SLC25A46: variants seen among roughly 807,000 people sequenced by gnomAD.
SLC25A46 encodes mitochondrial outer membrane protein SLC25A46.
In SLC25A46, 39 loss-of-function variants were observed where a neutral mutation model predicts 44.6. The observed-to-expected ratio is 0.87, with a 90% confidence interval of 0.68 to 1.14. The LOEUF is 1.14. Among genes scored for constraint, SLC25A46 ranks in the 50% most tolerant of loss-of-function variants. SLC25A46 has a pLI of 0.00. For missense variants in SLC25A46, 547 were observed against 522.7 expected, an observed-to-expected ratio of 1.05 and a Z score of -0.45; for synonymous variants, 202 against 185.8, an observed-to-expected ratio of 1.09 and a Z score of -0.71.
chr5:110,744,375 T>G (rs999596065), intron 3 of SLC25A46, among the ~76,000 whole-genome samples: 40 of 152,346 alleles, frequency 2.6e-4, no homozygotes, highest in South Asian at 2.1e-4. Flanking sequence ...AGTGAACTTT[T>G]TATACTTTGT....
At chr5:110,755,030 A>G (rs1484873965) in intron 5 of SLC25A46, 1 of 152,932 alleles carries the variant, frequency 6.5e-6, no homozygotes, top group Non-Finnish European at 1.5e-5. Context: ...TTCAGAAATT[A>G]GGTACTACAT....
Position 110,762,309 on chromosome 5 carries a change from G to A in SLC25A46, c.*527G>A, listed in dbSNP as rs186725394. ...GCAATCTGTAAGCAGGAGTATAAAT[G>A]TTTTAAATTGCATTGTCCCTATGTA... is the stretch of plus-strand genomic sequence containing the variant. On this transcript the variant is annotated 3_prime_UTR_variant, in exon 8 of 8. Coordinates refer to ENST00000355943, the MANE Select transcript of SLC25A46 (RefSeq NM_138773.4). The A allele has an allele frequency of 6.5e-6, 1 of 153,090 alleles. No homozygotes were observed. The highest frequency in any genetic ancestry group is 1.5e-5 in the Non-Finnish European group (1 of 68,756). The allele number at this position is 153,090 out of a possible 1,614,324, so 9.5% of individuals were successfully genotyped here.
Position 110,739,040 on chromosome 5 carries a change from G to C in SLC25A46, c.-80G>C. 6.7e-7 allele frequency: 1 copy of C among 1,483,620 alleles called. No homozygotes were observed. Among genetic ancestry groups the C allele is most frequent in the Non-Finnish European group, 8.9e-7 (1 of 1,126,844 alleles). The allele number at this position is 1,483,620 out of a possible 1,614,324, so 91.9% of individuals were successfully genotyped here. A position where few individuals can be genotyped will look rare whatever the true frequency, so the allele number is the denominator to read the frequency against. ...CCCCTGACGCGGCGGCGGCCGACGGGAAGCTGTGTGTGCTTAGGTCGTGGT... is the reference window on the plus strand; with the variant it reads ...CCCCTGACGCGGCGGCGGCCGACGGCAAGCTGTGTGTGCTTAGGTCGTGGT... On this transcript the variant is annotated 5_prime_UTR_variant, in exon 1 of 8. Coordinates refer to ENST00000355943, the MANE Select transcript of SLC25A46 (RefSeq NM_138773.4).
chr5:110,740,674 G>T (rs12188558), intron 1 of SLC25A46, among the ~76,000 whole-genome samples: 13,214 of 152,204 alleles, frequency 0.087, 599 homozygotes, highest in Admixed American at 0.13. Flanking sequence ...GGGTAAGGCC[G>T]GGCGTGGTGG....
chr5:110,755,616 G>A (rs1360521861), intron 6 of SLC25A46, 95 bp downstream of exon 6: 3 of 723,426 alleles, frequency 4.1e-6, no homozygotes, highest in Admixed American at 3.0e-5. Flanking sequence ...CTGTAGAGAA[G>A]GAAATTAGAG....
chr5:110,739,118 C>G lies in SLC25A46; in HGVS notation c.-2C>G. On this transcript the variant is annotated 5_prime_UTR_variant, in exon 1 of 8. Transcript: ENST00000355943. ...GGCTCGCGTCATCCTGCCCCCGCTG[C>G]GATGCATCCGCGGCGCCCGGACGGA... 1 of 1,546,422 alleles carries G rather than the reference C, an allele frequency of 6.5e-7. No individual in the cohort carries two copies. Among genetic ancestry groups the G allele is most frequent in the East Asian group, 2.4e-5 (1 of 40,850 alleles).
Position 110,743,782 on chromosome 5 carries a change from T to C in SLC25A46, c.379T>C (p.Cys127Arg), listed in dbSNP as rs1799747419. Residue 127 changes from cysteine to arginine, a missense_variant, in exon 3 of 8, where the codon TGT becomes CGT. Physicochemically the swap from Cys to Arg is radical, Grantham distance 180. Coordinates refer to ENST00000355943, the MANE Select transcript of SLC25A46 (RefSeq NM_138773.4). ...TCCTTGCATTGTTCTACGCCGCCAATGTCAGGTAAATGTAATTTCTGTGAT... is the reference window on the plus strand; with the variant it reads ...TCCTTGCATTGTTCTACGCCGCCAACGTCAGGTAAATGTAATTTCTGTGAT... ...AHPCIVLRRQ[C>R]QVNYHAQHYH... 6.2e-7 allele frequency: 1 copy of C among 1,605,264 alleles called. No homozygotes were observed. Among genetic ancestry groups the C allele is most frequent in the Non-Finnish European group, 8.5e-7 (1 of 1,174,380 alleles).
At position 110,739,066 on chromosome 5, in the gene SLC25A46, G is replaced by C. The variant is rs759814821; in HGVS notation, c.-54G>C. 1.2e-3 allele frequency: 1,878 copies of C among 1,527,646 alleles called. 3 individuals carry two copies. Among genetic ancestry groups the C allele is most frequent in the Non-Finnish European group, 1.5e-3 (1,770 of 1,142,754 alleles). The allele number at this position is 1,527,646 out of a possible 1,614,324, so 94.6% of individuals were successfully genotyped here. A position where few individuals can be genotyped will look rare whatever the true frequency, so the allele number is the denominator to read the frequency against. On this transcript the variant is annotated 5_prime_UTR_variant, in exon 1 of 8. Transcript: ENST00000355943. ...AAGCTGTGTGTGCTTAGGTCGTGGTGGCCCCGGTGGTGGTGGGCTCCGGGC... is the reference window on the plus strand; with the variant it reads ...AAGCTGTGTGTGCTTAGGTCGTGGTCGCCCCGGTGGTGGTGGGCTCCGGGC...
intron 5 of SLC25A46, 132 bp from the exon 6 acceptor site, chr5:110,755,333 C>G (rs1011779489): frequency 1.7e-6 from 1 of 589,676 alleles, no homozygotes; most frequent in Non-Finnish European, 3.0e-6. Flanking sequence ...AGAAAATGTT[C>G]ACCATTAGAA....
At chr5:110,738,286 C>A, upstream of SLC25A46, 2 of 1,264,956 alleles carry the variant, frequency 1.6e-6, no homozygotes, top group African/African-American at 1.5e-5. Flanking sequence ...CTCAGTTATT[C>A]AATTAGAGGT....
At chr5:110,750,694 C>A (rs75352963) in intron 5 of SLC25A46, among the ~76,000 whole-genome samples, 3 of 152,116 alleles carry the variant, frequency 2.0e-5, no homozygotes, top group African/African-American at 7.2e-5. Context: ...ACATTCAGTA[C>A]AGATGCAACT....
chr5:110,756,959 A>G, intron 7 of SLC25A46, 200 bp downstream of exon 7: 1 of 389,868 alleles, frequency 2.6e-6, no homozygotes, highest in Non-Finnish European at 4.5e-6. Flanking sequence ...TCTAGTTTTA[A>G]TTATTTTTGT....
At chr5:110,742,111 T>G in intron 2 of SLC25A46, 22 bp downstream of exon 2, 1 of 1,488,266 alleles carries the variant, frequency 6.7e-7, no homozygotes, top group Non-Finnish European at 9.1e-7. Flanking sequence ...TCTAAAGACG[T>G]TTACAGCTTT....
chr5:110,743,917 A>G, intron 3 of SLC25A46, 130 bp downstream of exon 3: 1 of 593,112 alleles, frequency 1.7e-6, no homozygotes, highest in Non-Finnish European at 2.8e-6. Flanking sequence ...TTTGGTCTCA[A>G]AACCTCTTTA....
Position 110,756,765 on chromosome 5 carries a change from C to CTT in SLC25A46, c.678+13_678+14dup. The CTT allele has an allele frequency of 1.3e-6, 2 of 1,494,618 alleles. No homozygotes were observed. The highest frequency in any genetic ancestry group is 1.5e-5 in the South Asian group (1 of 68,620). 92.6% of individuals were successfully genotyped at this position (1,494,618 alleles called of 1,614,324 possible). A position where few individuals can be genotyped will look rare whatever the true frequency, so the allele number is the denominator to read the frequency against. Reference sequence around the variant, plus strand: ...GTCTGATTGAAACAGTGCAGGTGAGCTTTTTTTTACTGTCATTTTTTTTTT... The same window carrying CTT: ...GTCTGATTGAAACAGTGCAGGTGAGCTTTTTTTTTTACTGTCATTTTTTTTTT... On this transcript the variant is annotated splice_region_variant and intron_variant, in intron 7 of 7. Coordinates refer to ENST00000355943, the MANE Select transcript of SLC25A46 (RefSeq NM_138773.4).
At chr5:110,760,772 C>T (rs1010776807) in intron 7 of SLC25A46, among the ~76,000 whole-genome samples, 2 of 152,094 alleles carry the variant, frequency 1.3e-5, no homozygotes, top group Non-Finnish European at 2.9e-5. Context: ...GTGCTCATTT[C>T]CATTTTTGTA....
Position 110,762,523 on chromosome 5 carries a change from A to G in SLC25A46, c.*741A>G, listed in dbSNP as rs140136860. On this transcript the variant is annotated 3_prime_UTR_variant, in exon 8 of 8. Transcript: ENST00000355943. ...GGTACCCAAAAGATACAAGTCAGAG[A>G]CAACATCCTTGTCCATATCCAAACC... is the stretch of plus-strand genomic sequence containing the variant. The G allele has an allele frequency of 1.3e-5, 2 of 151,898 alleles. No homozygotes were observed. Among genetic ancestry groups the G allele is most frequent in the African/African-American group, 4.8e-5 (2 of 41,494 alleles). 9.4% of individuals were successfully genotyped at this position (151,898 alleles called of 1,614,324 possible). A position where few individuals can be genotyped will look rare whatever the true frequency, so the allele number is the denominator to read the frequency against.
rs1561595610 is a variant in SLC25A46 at position 110,739,145 on chromosome 5, T to C, written c.26T>C (p.Phe9Ser). Residue 9 changes from phenylalanine (F) to serine (S), a missense_variant, in exon 1 of 8, where the codon TTT (phenylalanine) becomes TCT (serine). By Grantham distance (155) the Phe-to-Ser change is radical. Transcript: ENST00000355943. MHPRRPDG[F>S]DGLGYRGGAR... ...ATGCATCCGCGGCGCCCGGACGGAT[T>C]TGATGGCTTGGGCTACCGGGGTGGT... 1.9e-6 allele frequency: 3 copies of C among 1,549,254 alleles called. No homozygotes were observed. The highest frequency in any genetic ancestry group is 2.6e-6 in the Non-Finnish European group (3 of 1,146,818).
intron 2 of SLC25A46, among the ~76,000 whole-genome samples, 165 bp downstream of exon 2, chr5:110,742,254 A>G (rs903115477): frequency 3.9e-5 from 6 of 152,154 alleles, no homozygotes; most frequent in African/African-American, 1.4e-4. Context: ...ACCATTATTT[A>G]AAATATATAA....
Sources: allele counts gnomAD v4.1 joint callset (sites outside exome capture counted in the v4.1 genomes callset), GRCh38; gene constraint gnomAD v4.1.1; transcripts MANE v1.5; gene names NCBI Gene and HGNC (gene_info 2026-07-23, HGNC 2026-07-21).